Variants in ETV1 observed in about 807,000 individuals in gnomAD.
The protein encoded by ETV1 is ETS translocation variant 1.
ETV1 carries 27 observed loss-of-function variants against 62.3 expected under a neutral mutation model. The ratio of observed to expected loss-of-function variants is 0.43; its 90% CI spans 0.32 to 0.60. The LOEUF is 0.60. Ranked by LOEUF, ETV1 falls within the 20% of genes least tolerant of loss-of-function variation. The pLI is 0.06. For missense variants in ETV1, 605 were observed against 605.8 expected, an observed-to-expected ratio of 1.00 and a Z score of 0.01; for synonymous variants, 222 against 199.6, an observed-to-expected ratio of 1.11 and a Z score of -0.94.
intron 9 of ETV1, among the ~76,000 whole-genome samples, 160 bp from the exon 10 acceptor site, chr7:13,911,467 G>A (rs1783562344): frequency 6.6e-6 from 1 of 152,130 alleles, no homozygotes; most frequent in South Asian, 2.1e-4. Context: ...GCCCACACAT[G>A]AAATGAAAGA....
At position 13,935,818 on chromosome 7, in the gene ETV1, C is replaced by T; in HGVS notation, c.444G>A (p.Leu148=). The T allele has an allele frequency of 6.2e-7, 1 of 1,613,822 alleles. No individual in the cohort carries two copies. The highest frequency in any genetic ancestry group is 8.5e-7 in the Non-Finnish European group (1 of 1,179,832). Reference sequence around the variant, plus strand: ...GAGTTGAGTTTGGAGATGCATGATGCAGTGGGGACACTGGCGTGCTGGATG... The same window carrying T: ...GAGTTGAGTTTGGAGATGCATGATGTAGTGGGGACACTGGCGTGCTGGATG... ...PTPSSTPVSP[L]HHASPNSTHT... Residue 148 remains leucine (L), a synonymous_variant, in exon 8 of 14, where the codon CTG becomes CTA. Coordinates refer to ENST00000430479, the MANE Select transcript of ETV1 (RefSeq NM_004956.5).
intron 6 of ETV1, among the ~76,000 whole-genome samples, chr7:13,964,721 T>A (rs778740134): frequency 2.6e-5 from 4 of 151,376 alleles, no homozygotes; most frequent in Non-Finnish European, 5.9e-5. Context: ...TATTCCAGTA[T>A]CTGGAATAAG....
At chr7:13,988,610 G>GAAAAAAAAAAAAAAAAAAAAAAAAAAAA (rs1782777377) in intron 3 of ETV1, 2 of 1,008,822 alleles carry the variant, frequency 2.0e-6, no homozygotes, top group Non-Finnish European at 2.4e-6. Flanking sequence ...AAAAAAAAAA[G>GAAAAAAAAAAAAAAAAAAAAAAAAAAAA]AGAAAATGAG....
At chr7:13,947,742 G>A (rs1358416596) in intron 6 of ETV1, among the ~76,000 whole-genome samples, 2 of 152,090 alleles carry the variant, frequency 1.3e-5, no homozygotes, top group African/African-American at 2.4e-5. Flanking sequence ...CATTTCTTCA[G>A]CAATTAATTC....
Position 13,988,192 on chromosome 7 carries a change from A to G in ETV1, c.46-19T>C. On this transcript the variant is annotated intron_variant, in intron 3 of 13. Transcript: ENST00000430479. ...GCTGACTCTACAAAGGGAAAGATAAAATCCTTTAAAAGAATGTAAACCTCA... is the reference window on the plus strand; with the variant it reads ...GCTGACTCTACAAAGGGAAAGATAAGATCCTTTAAAAGAATGTAAACCTCA... The G allele has an allele frequency of 6.4e-7, 1 of 1,550,450 alleles. No homozygotes were observed. The highest frequency in any genetic ancestry group is 1.4e-5 in the African/African-American group (1 of 73,646).
chr7:13,898,726 A>G (rs1782094566), intron 13 of ETV1, among the ~76,000 whole-genome samples: 2 of 152,222 alleles, frequency 1.3e-5, no homozygotes, highest in African/African-American at 4.8e-5. Context: ...TTTCTCCTAC[A>G]TGTTAAAATA....
chr7:13,892,556 C>T lies in ETV1; in HGVS notation c.*3310G>A, dbSNP rs1781453582. 1 of 232,668 alleles carries T rather than the reference C, an allele frequency of 4.3e-6. No homozygotes were observed. The highest frequency in any genetic ancestry group is 2.2e-5 in the African/African-American group (1 of 45,286). The allele number at this position is 232,668 out of a possible 1,614,324, so 14.4% of individuals were successfully genotyped here. On this transcript the variant is annotated 3_prime_UTR_variant, in exon 14 of 14. Coordinates refer to ENST00000430479, the MANE Select transcript of ETV1 (RefSeq NM_004956.5). Reference sequence around the variant, plus strand: ...CGGTGTTCTGAATAACAGCCCTGCCCTCACCCCTTACATCCATGTCCTAAT... The same window carrying T: ...CGGTGTTCTGAATAACAGCCCTGCCTTCACCCCTTACATCCATGTCCTAAT...
intron 9 of ETV1, among the ~76,000 whole-genome samples, chr7:13,912,842 A>T (rs1381161825): frequency 6.6e-6 from 1 of 152,218 alleles, no homozygotes; most frequent in African/African-American, 2.4e-5. Flanking sequence ...AAGTGATATC[A>T]GTTAATTTAT....
intron 6 of ETV1, among the ~76,000 whole-genome samples, chr7:13,950,650 A>G (rs1041712206): frequency 2.0e-5 from 3 of 152,164 alleles, no homozygotes; most frequent in African/African-American, 7.2e-5. Flanking sequence ...ACATCTTAAT[A>G]GAAGAGAATG....
At chr7:13,907,951 C>A (rs1041280651) in intron 11 of ETV1, 1 of 377,382 alleles carries the variant, frequency 2.6e-6, no homozygotes, top group Non-Finnish European at 5.4e-6. Flanking sequence ...ATCTTCATAT[C>A]GATTTCAATG....
At chr7:13,979,429 C>T (rs1292992611) in intron 5 of ETV1, among the ~76,000 whole-genome samples, 1 of 151,848 alleles carries the variant, frequency 6.6e-6, no homozygotes, top group Non-Finnish European at 1.5e-5. Flanking sequence ...ATTCTCTCAG[C>T]TATTAACACA....
chr7:13,920,545 G>A (rs1224406859), intron 9 of ETV1, among the ~76,000 whole-genome samples: 2 of 151,918 alleles, frequency 1.3e-5, no homozygotes, highest in Non-Finnish European at 2.9e-5. Flanking sequence ...ATGCTTACAG[G>A]GCTCTGCCCC....
intron 9 of ETV1, among the ~76,000 whole-genome samples, chr7:13,919,565 TAC>T (rs35735011): frequency 0.34 from 46,603 of 135,092 alleles, 7,782 homozygotes; most frequent in East Asian, 0.45. Context: ...ATAGAAACCA[TAC>T]ACACACACAC....
chr7:13,900,355 A>G (rs1464536964), intron 13 of ETV1: 1 of 165,372 alleles, frequency 6.0e-6, no homozygotes, highest in Non-Finnish European at 1.3e-5. Flanking sequence ...CAAAACAAGA[A>G]AAAAGTACAA....
At chr7:13,916,149 C>T (rs1438784768) in intron 9 of ETV1, among the ~76,000 whole-genome samples, 2 of 152,182 alleles carry the variant, frequency 1.3e-5, no homozygotes, top group Non-Finnish European at 2.9e-5. Flanking sequence ...CTCACTCACA[C>T]TTAGATGGGA....
At chr7:13,950,464 A>G (rs1425256241) in intron 6 of ETV1, among the ~76,000 whole-genome samples, 2 of 152,102 alleles carry the variant, frequency 1.3e-5, no homozygotes, top group Non-Finnish European at 1.5e-5. Context: ...GGGTGTACCT[A>G]AATGAAGGAG....
intron 12 of ETV1, among the ~76,000 whole-genome samples, chr7:13,904,296 T>C (rs1405610383): frequency 6.6e-6 from 1 of 152,234 alleles, no homozygotes; most frequent in Non-Finnish European, 1.5e-5. Context: ...GGAAACGCTC[T>C]ACTGACTCTG....
intron 3 of ETV1, 82 bp from the exon 4 acceptor site, chr7:13,988,255 C>CAG: frequency 1.2e-6 from 1 of 817,822 alleles, no homozygotes; most frequent in Non-Finnish European, 2.1e-6. Context: ...CACACACACA[C>CAG]ACAGACATGC....
At chr7:13,978,514 T>G (rs1291027022) in intron 5 of ETV1, among the ~76,000 whole-genome samples, 1 of 152,098 alleles carries the variant, frequency 6.6e-6, no homozygotes, top group African/African-American at 2.4e-5. Flanking sequence ...TAGGTAGTAT[T>G]ACTTCATTAG....
Sources: gnomAD v4.1 joint callset for allele counts (sites outside exome capture counted in the v4.1 genomes callset) on GRCh38, gnomAD v4.1.1 for gene constraint, MANE v1.5 for transcripts, NCBI Gene and HGNC (gene_info 2026-07-23, HGNC 2026-07-21) for gene names.